Variants in PCDH15 observed in about 807,000 individuals in gnomAD.
PCDH15 encodes protocadherin related 15, also known as protocadherin-15.
Under a neutral mutation model 178.5 loss-of-function variants are expected in PCDH15, and 129 were observed. The observed-to-expected ratio is 0.72, with a 90% CI of 0.63 to 0.84. The LOEUF (loss-of-function observed/expected upper bound fraction) is 0.84. Among genes scored for constraint, PCDH15 ranks in the 40% least tolerant of loss-of-function variants. The pLI is 0.00. For missense variants in PCDH15, 2,230 were observed against 2,099.9 expected, an observed-to-expected ratio of 1.06 and a Z score of -1.21; for synonymous variants, 800 against 732.0, an observed-to-expected ratio of 1.09 and a Z score of -1.50.
chr10:54,599,867 T>C (rs1247912518), intron 2 of PCDH15: 2 of 670,706 alleles, frequency 3.0e-6, no homozygotes, highest in Admixed American at 2.2e-5. Context: ...GAAGGTGAAG[T>C]AGAGGAAGCC....
chr10:54,408,794 C>T (rs536896146), intron 3 of PCDH15, among the ~76,000 whole-genome samples: 49 of 152,204 alleles, frequency 3.2e-4, no homozygotes, highest in African/African-American at 1.2e-3. Context: ...AGTTACAAAT[C>T]GGGGTGGAAG....
chr10:54,628,689 G>A (rs2093623799), intron 2 of PCDH15, among the ~76,000 whole-genome samples: 1 of 152,074 alleles, frequency 6.6e-6, no homozygotes, highest in South Asian at 2.1e-4. Context: ...TGCCTCTCAT[G>A]TGTCAAGTAT....
intron 2 of PCDH15, among the ~76,000 whole-genome samples, chr10:55,363,669 C>A (rs1463692512): frequency 6.6e-6 from 1 of 151,962 alleles, no homozygotes; most frequent in African/African-American, 2.4e-5. Flanking sequence ...GAATTTCGCT[C>A]TTGTTGCACA....
At chr10:54,321,207 T>TTTA (rs1369201194) in intron 7 of PCDH15, among the ~76,000 whole-genome samples, 1 of 149,258 alleles carries the variant, frequency 6.7e-6, no homozygotes, top group African/African-American at 2.4e-5. Context: ...TATTTATTTA[T>TTTA]TTTAGAAATG....
At chr10:53,982,877 A>C (rs978333485) in intron 21 of PCDH15, among the ~76,000 whole-genome samples, 16 of 152,054 alleles carry the variant, frequency 1.1e-4, no homozygotes, top group Non-Finnish European at 1.9e-4. Flanking sequence ...TTAGGTCCTT[A>C]GTATCAGGGG....
chr10:54,354,918 G>C (rs1445989964), intron 5 of PCDH15, among the ~76,000 whole-genome samples: 1 of 151,936 alleles, frequency 6.6e-6, no homozygotes, highest in Non-Finnish European at 1.5e-5. Context: ...ATAAAACTAT[G>C]AGAAATGGAT....
chr10:54,784,855 T>C (rs1950696344), intron 1 of PCDH15, among the ~76,000 whole-genome samples: 2 of 152,092 alleles, frequency 1.3e-5, no homozygotes, highest in African/African-American at 4.8e-5. Flanking sequence ...AATCTGAAGA[T>C]GAATCTATGT....
At chr10:54,353,838 T>C in intron 5 of PCDH15, among the ~76,000 whole-genome samples, 1 of 152,278 alleles carries the variant, frequency 6.6e-6, no homozygotes, top group Middle Eastern at 3.4e-3. Context: ...GAATAAATAA[T>C]AGACAAATTC....
At chr10:54,166,999 C>T (rs572558793) in intron 13 of PCDH15, among the ~76,000 whole-genome samples, 7 of 152,322 alleles carry the variant, frequency 4.6e-5, no homozygotes, top group South Asian at 4.1e-4. Flanking sequence ...TCCTATAAAA[C>T]GGCCTCACCC....
At chr10:54,516,472 G>C (rs1330882956) in intron 3 of PCDH15, among the ~76,000 whole-genome samples, 2 of 152,088 alleles carry the variant, frequency 1.3e-5, no homozygotes, top group East Asian at 1.9e-4. Flanking sequence ...GATGGAAGAT[G>C]AAATGAATGA....
chr10:54,729,547 A>C (rs1943056476), intron 1 of PCDH15, among the ~76,000 whole-genome samples: 1 of 151,774 alleles, frequency 6.6e-6, no homozygotes, highest in South Asian at 2.1e-4. Context: ...ACAAAAATTG[A>C]CAAGTGGGAC....
intron 2 of PCDH15, among the ~76,000 whole-genome samples, chr10:55,328,548 C>A (rs1033870341): frequency 5.9e-5 from 9 of 151,392 alleles, no homozygotes; most frequent in African/African-American, 2.2e-4. Context: ...TATATACAGT[C>A]CATCATTGGC....
intron 2 of PCDH15, among the ~76,000 whole-genome samples, chr10:55,161,578 A>G (rs55812384): frequency 0.25 from 37,674 of 152,086 alleles, 4,697 homozygotes; most frequent in East Asian, 0.31. Context: ...TGCCCTTTAT[A>G]GAAAAACTTT....
At chr10:55,377,146 TAAAA>T (rs398054373) in intron 2 of PCDH15, among the ~76,000 whole-genome samples, 2 of 105,316 alleles carry the variant, frequency 1.9e-5, no homozygotes, top group Admixed American at 1.0e-4. Flanking sequence ...CTTTCTTCAC[TAAAA>T]AAAAAAAAAA....
chr10:55,302,630 TC>T (rs1843314665), intron 1 of PCDH15, among the ~76,000 whole-genome samples: 1 of 152,132 alleles, frequency 6.6e-6, no homozygotes, highest in Non-Finnish European at 1.5e-5. Flanking sequence ...GAAGTTAACC[TC>T]CTTTACTCAA....
intron 3 of PCDH15, among the ~76,000 whole-genome samples, chr10:54,417,451 C>T (rs528339081): frequency 2.6e-5 from 4 of 152,186 alleles, no homozygotes; most frequent in African/African-American, 9.6e-5. Context: ...TTATCTGACC[C>T]TTTCACATAG....
intron 2 of PCDH15, among the ~76,000 whole-genome samples, chr10:54,952,902 T>A (rs1838382592): frequency 6.9e-6 from 1 of 144,544 alleles, no homozygotes; most frequent in African/African-American, 2.4e-5. Flanking sequence ...TGTTGATTCT[T>A]TCACATTTTC....
At chr10:54,980,797 G>A (rs1453889029) in intron 2 of PCDH15, among the ~76,000 whole-genome samples, 1 of 151,332 alleles carries the variant, frequency 6.6e-6, no homozygotes, top group African/African-American at 2.4e-5. Flanking sequence ...TTTAATAGAC[G>A]ATTTATTGAT....
intron 2 of PCDH15, among the ~76,000 whole-genome samples, chr10:54,608,305 CAA>C (rs1294528229): frequency 1.5e-5 from 2 of 136,896 alleles, no homozygotes; most frequent in Non-Finnish European, 1.6e-5. Context: ...TTATCTCTAC[CAA>C]AAAAAAAAAA....
Sources: allele counts gnomAD v4.1 joint callset (sites outside exome capture counted in the v4.1 genomes callset), GRCh38; gene constraint gnomAD v4.1.1; transcripts MANE v1.5; gene names NCBI Gene and HGNC (gene_info 2026-07-23, HGNC 2026-07-21).